PACRG: variants seen among roughly 807,000 people sequenced by gnomAD.
PACRG encodes the protein parkin coregulated.
PACRG carries 29 observed loss-of-function variants against 29.7 expected under a neutral mutation model. That is an observed-to-expected ratio of 0.98 (90% CI 0.73 to 1.33). The LOEUF (loss-of-function observed/expected upper bound fraction) is 1.33, where lower values mean the gene tolerates loss of function less well. Ranked by LOEUF, PACRG falls within the 40% of genes most tolerant of loss-of-function variation. The pLI, the probability that PACRG is intolerant of heterozygous loss-of-function variation, is 0.00. For synonymous variants in PACRG, 116 were observed against 118.7 expected, an observed-to-expected ratio of 0.98 and a Z score of 0.15; for missense variants, 279 against 316.2, an observed-to-expected ratio of 0.88 and a Z score of 0.89.
At chr6:162,899,229 A>G (rs754059970) in intron 2 of PACRG, among the ~76,000 whole-genome samples, 27 of 152,108 alleles carry the variant, frequency 1.8e-4, no homozygotes, top group Non-Finnish European at 3.1e-4. Context: ...GGTAGTGGCC[A>G]GGTGGTGTGC....
chr6:162,972,374 G>A (rs565237330), intron 2 of PACRG, among the ~76,000 whole-genome samples: 49 of 152,182 alleles, frequency 3.2e-4, no homozygotes, highest in African/African-American at 1.1e-3. Flanking sequence ...ATCTGATTGC[G>A]TCTGTTTCAC....
At position 162,747,446 on chromosome 6, in the gene PACRG, A is replaced by G. The variant is rs1273233036; in HGVS notation, c.156+19055A>G. ...TAAATATATATGTAAAACTATATAT[A>G]TATATAACTATAAATATATATGTAA... On this transcript the variant is annotated intron_variant, in intron 1 of 4. Coordinates refer to ENST00000366888, the MANE Select transcript of PACRG (RefSeq NM_001080379.2). Among the ~76,000 whole-genome samples the G allele has an allele frequency of 4.1e-5, 5 of 121,078 alleles. 1 individual carries two copies. Among genetic ancestry groups the G allele is most frequent in the African/African-American group, 1.7e-4 (5 of 29,654 alleles). The allele number at this position is 121,078 out of a possible 152,430, so 79.4% of individuals were successfully genotyped here. A position where few individuals can be genotyped will look rare whatever the true frequency, so the allele number is the denominator to read the frequency against.
intron 2 of PACRG, among the ~76,000 whole-genome samples, chr6:162,878,521 T>C (rs979960016): frequency 6.6e-6 from 1 of 152,212 alleles, no homozygotes; most frequent in African/African-American, 2.4e-5. Flanking sequence ...CCTATCTCTG[T>C]GTATAATGAG....
intron 2 of PACRG, among the ~76,000 whole-genome samples, chr6:162,908,265 T>C (rs1335601751): frequency 1.3e-5 from 2 of 152,242 alleles, no homozygotes; most frequent in African/African-American, 2.4e-5. Context: ...TTAATTCACA[T>C]ACATACCTGC....
chr6:163,163,856 C>T (rs1033116086), intron 4 of PACRG, among the ~76,000 whole-genome samples: 2 of 151,934 alleles, frequency 1.3e-5, no homozygotes, highest in Non-Finnish European at 2.9e-5. Flanking sequence ...TGTGAAGATA[C>T]ATTTTCAAAG....
intron 4 of PACRG, among the ~76,000 whole-genome samples, chr6:163,097,327 A>G (rs1814689013): frequency 6.6e-6 from 1 of 152,246 alleles, no homozygotes; most frequent in South Asian, 2.1e-4. Flanking sequence ...AGGAGGATAC[A>G]GAGTTGCAGA....
At chr6:163,285,236 A>C (rs1784357653) in intron 4 of PACRG, among the ~76,000 whole-genome samples, 1 of 150,114 alleles carries the variant, frequency 6.7e-6, no homozygotes, top group South Asian at 2.1e-4. Context: ...AACAGATCCA[A>C]CTCTCCCCTA....
intron 4 of PACRG, among the ~76,000 whole-genome samples, chr6:163,099,962 C>A (rs1027879764): frequency 2.6e-5 from 4 of 152,170 alleles, no homozygotes; most frequent in Non-Finnish European, 5.9e-5. Flanking sequence ...CCGCCCAGCG[C>A]GGACGGGCTC....
chr6:163,285,831 G>A (rs960575876), intron 4 of PACRG, among the ~76,000 whole-genome samples: 5 of 152,176 alleles, frequency 3.3e-5, no homozygotes, highest in African/African-American at 1.2e-4. Context: ...ATTGCCCACA[G>A]TAGGTGCACC....
chr6:163,002,289 A>T (rs1474169207), intron 2 of PACRG, among the ~76,000 whole-genome samples: 1 of 152,200 alleles, frequency 6.6e-6, no homozygotes, highest in East Asian at 1.9e-4. Context: ...TGACCATCAC[A>T]GCATTCGTTC....
intron 2 of PACRG, among the ~76,000 whole-genome samples, chr6:162,894,184 A>T (rs1794991084): frequency 1.3e-5 from 2 of 152,166 alleles, no homozygotes; most frequent in South Asian, 4.1e-4. Context: ...TTTCTACACT[A>T]GCCTCCCTCA....
chr6:162,791,311 G>GTTTTTTTTTTTT (rs60664405), intron 1 of PACRG, among the ~76,000 whole-genome samples: 1 of 128,820 alleles, frequency 7.8e-6, no homozygotes, highest in Non-Finnish European at 1.6e-5. Flanking sequence ...TTGTTTGTTT[G>GTTTTTTTTTTTT]TTTTTTTTTT....
chr6:162,850,447 A>G (rs1790764064), intron 2 of PACRG, among the ~76,000 whole-genome samples: 1 of 152,210 alleles, frequency 6.6e-6, no homozygotes. Flanking sequence ...GGTCACTAGA[A>G]AGACCAAAGC....
intron 1 of PACRG, among the ~76,000 whole-genome samples, chr6:162,772,218 C>T (rs905437299): frequency 6.6e-6 from 1 of 152,060 alleles, no homozygotes; most frequent in Non-Finnish European, 1.5e-5. Context: ...ATCATTAGCA[C>T]CACTAAAATA....
chr6:163,085,595 T>C, intron 3 of PACRG, among the ~76,000 whole-genome samples: 1 of 152,200 alleles, frequency 6.6e-6, no homozygotes, highest in East Asian at 1.9e-4. Flanking sequence ...GGGAATCTCA[T>C]GCATCCAAGC....
rs9458656 is a variant in PACRG at position 162,845,306 on chromosome 6, C to T, written c.291+31025C>T. ...CAAAATTAAACCTAAATAAAACATACTCACATGTCCAAACCGTGAGCAAGA... is the reference window on the plus strand; with the variant it reads ...CAAAATTAAACCTAAATAAAACATATTCACATGTCCAAACCGTGAGCAAGA... On this transcript the variant is annotated intron_variant, in intron 2 of 4. Transcript: ENST00000366888. 5.8e-3 allele frequency among the ~76,000 whole-genome samples: 876 copies of T among 152,208 alleles called. 7 individuals carry two copies. Among genetic ancestry groups the T allele is most frequent in the African/African-American group, 0.02 (838 of 41,540 alleles).
chr6:162,744,406 G>A, intron 1 of PACRG, among the ~76,000 whole-genome samples: 1 of 151,932 alleles, frequency 6.6e-6, no homozygotes. Flanking sequence ...AAACCAGCCT[G>A]GGAAACATAG....
intron 4 of PACRG, among the ~76,000 whole-genome samples, chr6:163,104,803 A>G (rs1440686388): frequency 6.6e-6 from 1 of 152,212 alleles, no homozygotes; most frequent in African/African-American, 2.4e-5. Context: ...AATTCTCCCA[A>G]ATATAATAGG....
intron 2 of PACRG, among the ~76,000 whole-genome samples, chr6:163,057,273 A>C (rs1490827000): frequency 2.0e-5 from 3 of 152,220 alleles, no homozygotes; most frequent in Admixed American, 1.3e-4. Context: ...CTAGTATCCA[A>C]ATTTTTTGGT....
Sources: gnomAD v4.1 joint callset for allele counts (sites outside exome capture counted in the v4.1 genomes callset) on GRCh38, gnomAD v4.1.1 for gene constraint, MANE v1.5 for transcripts, NCBI Gene and HGNC (gene_info 2026-07-23, HGNC 2026-07-21) for gene names.